Variants in PDE10A observed in about 807,000 individuals in gnomAD.
PDE10A encodes cAMP and cAMP-inhibited cGMP 3',5'-cyclic phosphodiesterase 10A.
PDE10A carries 39 observed loss-of-function variants against 97.7 expected under a neutral mutation model. The observed-to-expected ratio is 0.40, with a 90% CI of 0.31 to 0.52. PDE10A has a LOEUF of 0.52. Among genes scored for constraint, PDE10A ranks in the 20% least tolerant of loss-of-function variants. The pLI, the probability that PDE10A is intolerant of heterozygous loss-of-function variation, is 0.56. For missense variants in PDE10A, 731 were observed against 1,047.8 expected (o/e 0.70, Z 4.17); for synonymous variants, 371 against 376.8 (o/e 0.98, Z 0.18).
intron 1 of PDE10A, among the ~76,000 whole-genome samples, chr6:165,763,443 C>G (rs113360532): frequency 0.011 from 1,737 of 152,194 alleles, 38 homozygotes; most frequent in African/African-American, 0.039. Context: ...GTGCCTCAGC[C>G]CCCCCAGTAG....
At chr6:165,620,482 C>G (rs1292731435) in intron 1 of PDE10A, among the ~76,000 whole-genome samples, 1 of 152,222 alleles carries the variant, frequency 6.6e-6, no homozygotes, top group Admixed American at 6.5e-5. Flanking sequence ...TGTGGAAAAC[C>G]TAGCTGTTCC....
chr6:165,725,684 C>G (rs112638454), intron 1 of PDE10A, among the ~76,000 whole-genome samples: 1 of 151,770 alleles, frequency 6.6e-6, no homozygotes, highest in East Asian at 1.9e-4. Context: ...TATGTACTTA[C>G]GAAAAAAATC....
intron 2 of PDE10A, among the ~76,000 whole-genome samples, chr6:165,525,463 G>T (rs1357690442): frequency 2.0e-5 from 3 of 152,172 alleles, no homozygotes; most frequent in Non-Finnish European, 4.4e-5. Flanking sequence ...GGTTAACGTA[G>T]AGGAAGGGAT....
At chr6:165,656,457 G>T (rs73253405) in intron 1 of PDE10A, among the ~76,000 whole-genome samples, 9 of 151,516 alleles carry the variant, frequency 5.9e-5, no homozygotes, top group African/African-American at 1.9e-4. Flanking sequence ...CTCGTGTGCC[G>T]AGGACTCTGC....
chr6:165,574,565 C>A (rs1785209587), intron 1 of PDE10A, among the ~76,000 whole-genome samples: 1 of 152,164 alleles, frequency 6.6e-6, no homozygotes, highest in Non-Finnish European at 1.5e-5. Context: ...CATTTTAAAA[C>A]AACTTTAAAA....
At chr6:165,901,120 A>C (rs1156301530) in intron 1 of PDE10A, among the ~76,000 whole-genome samples, 1 of 152,154 alleles carries the variant, frequency 6.6e-6, no homozygotes, top group Non-Finnish European at 1.5e-5. Context: ...GGCTTTGATG[A>C]TTCCGCAGCG....
At chr6:165,486,481 T>C (rs1467525274) in intron 2 of PDE10A, among the ~76,000 whole-genome samples, 2 of 152,206 alleles carry the variant, frequency 1.3e-5, no homozygotes, top group Non-Finnish European at 2.9e-5. Context: ...GTCTGTGCAC[T>C]GTGTCATCCA....
chr6:165,614,720 A>G (rs1370221951), intron 1 of PDE10A, among the ~76,000 whole-genome samples: 4 of 152,188 alleles, frequency 2.6e-5, no homozygotes, highest in African/African-American at 9.7e-5. Flanking sequence ...ATAGACACTC[A>G]GAAAAAATCA....
intron 1 of PDE10A, among the ~76,000 whole-genome samples, chr6:165,629,631 TCAAGCCATCTTCCCACCCCAGCCTCCCG>T (rs1788542677): frequency 6.7e-6 from 1 of 148,782 alleles, no homozygotes; most frequent in South Asian, 2.2e-4. Context: ...CCTGCCAGGC[TCAAGCCATCTTCCCACCCCAGCCTCCCG>T]AGTAGTTAGG....
At chr6:165,718,432 G>C (rs970396480) in intron 1 of PDE10A, 1 of 152,144 alleles carries the variant, frequency 6.6e-6, no homozygotes, top group Non-Finnish European at 1.5e-5. Context: ...AAGAAACAAA[G>C]GGTTTATGCT....
intron 18 of PDE10A, among the ~76,000 whole-genome samples, chr6:165,348,873 C>A (rs560026051): frequency 7.6e-4 from 116 of 152,232 alleles, no homozygotes; most frequent in African/African-American, 2.7e-3. Context: ...TCATTTTTCT[C>A]TCTCCTGCTG....
chr6:165,688,244 ATGAT>A (rs1250094487), intron 1 of PDE10A, among the ~76,000 whole-genome samples: 1 of 152,186 alleles, frequency 6.6e-6, no homozygotes, highest in Admixed American at 6.5e-5. Context: ...AAGTCAAGAG[ATGAT>A]TGATTGGTTT....
At chr6:165,839,771 C>T (rs987722312) in intron 1 of PDE10A, among the ~76,000 whole-genome samples, 19 of 74,854 alleles carry the variant, frequency 2.5e-4, no homozygotes, top group South Asian at 2.3e-3. Flanking sequence ...TGTCTCCATC[C>T]CCATCTGCAT....
intron 1 of PDE10A, among the ~76,000 whole-genome samples, chr6:165,817,322 G>A (rs765649796): frequency 4.6e-5 from 7 of 152,136 alleles, no homozygotes; most frequent in African/African-American, 7.2e-5. Context: ...ATAGGGTCAA[G>A]TGTCCATCCC....
chr6:165,894,297 C>T (rs781352698), intron 1 of PDE10A: 10 of 455,864 alleles, frequency 2.2e-5, no homozygotes, highest in Non-Finnish European at 4.0e-5. Flanking sequence ...TGTGTTGATC[C>T]AATCTGCAGA....
At chr6:165,348,950 G>A (rs1782501823) in intron 18 of PDE10A, among the ~76,000 whole-genome samples, 1 of 152,144 alleles carries the variant, frequency 6.6e-6, no homozygotes, top group Admixed American at 6.5e-5. Context: ...GGCCGCCCCA[G>A]ACATGAAGAA....
chr6:165,552,056 T>G (rs1476905793), intron 1 of PDE10A, among the ~76,000 whole-genome samples: 1 of 152,104 alleles, frequency 6.6e-6, no homozygotes, highest in Admixed American at 6.5e-5. Flanking sequence ...ATTTAGCCAA[T>G]TTAAAGGCAG....
intron 1 of PDE10A, among the ~76,000 whole-genome samples, chr6:165,763,449 A>C (rs1457013807): frequency 6.6e-6 from 1 of 151,400 alleles, no homozygotes; most frequent in Non-Finnish European, 1.5e-5. Flanking sequence ...CAGCCCCCCC[A>C]GTAGCCGGGA....
At chr6:165,900,529 A>ATCTC (rs371687830) in intron 1 of PDE10A, among the ~76,000 whole-genome samples, 1 of 149,906 alleles carries the variant, frequency 6.7e-6, no homozygotes, top group Non-Finnish European at 1.5e-5. Context: ...GGCACACATC[A>ATCTC]TCTCTCTCTC....
Sources: allele counts gnomAD v4.1 joint callset (sites outside exome capture counted in the v4.1 genomes callset), GRCh38; gene constraint gnomAD v4.1.1; transcripts MANE v1.5; gene names NCBI Gene and HGNC (gene_info 2026-07-23, HGNC 2026-07-21).